Variants in RHBDF1 observed in about 807,000 individuals in gnomAD.
RHBDF1 encodes the protein rhomboid 5 homolog 1.
Under a neutral mutation model 98.6 loss-of-function variants are expected in RHBDF1, and 80 were observed. That is an observed-to-expected ratio of 0.81 (90% confidence interval 0.68 to 0.98). The LOEUF is 0.98. RHBDF1 is among the 50% of genes least tolerant of loss of function. The pLI is 0.00. For missense variants in RHBDF1, 1,116 were observed against 1,198.3 expected, an observed-to-expected ratio of 0.93 and a Z score of 1.01; for synonymous variants, 512 against 486.8, an observed-to-expected ratio of 1.05 and a Z score of -0.68.
At chr16:61,562 C>T (rs1486083877) in intron 9 of RHBDF1, 23 bp downstream of exon 9, 1 of 1,612,340 alleles carries the variant, frequency 6.2e-7, no homozygotes, top group Non-Finnish European at 8.5e-7. Context: ...TCGTCTGGGC[C>T]CAGGGAAGGC....
At chr16:65,127 G>A (rs1280414556) in intron 1 of RHBDF1, 88 bp from the exon 2 acceptor site, 1 of 1,386,496 alleles carries the variant, frequency 7.2e-7, no homozygotes, top group Admixed American at 2.6e-5. Context: ...GAGAAGCAGT[G>A]ATGAGCCCAA....
chr16:60,427 G>A lies in RHBDF1; in HGVS notation c.1658+12C>T, dbSNP rs375317029. 3.2e-5 allele frequency: 51 copies of A among 1,609,874 alleles called. No homozygotes were observed. The highest frequency in any genetic ancestry group is 2.3e-4 in the South Asian group (21 of 91,016). ...GACAAAGGCAGGTGAGAGAGCTGCC[G>A]GCAGGACTAACCTGGGATCCTGGTG... On this transcript the variant is annotated intron_variant, in intron 12 of 17. Transcript: ENST00000262316.
At chr16:63,444 G>C in intron 4 of RHBDF1, 143 bp downstream of exon 4, 2 of 730,226 alleles carry the variant, frequency 2.7e-6, no homozygotes, top group Non-Finnish European at 4.4e-6. Flanking sequence ...TGTTTCAGGT[G>C]CCTTCACGAG....
intron 1 of RHBDF1, among the ~76,000 whole-genome samples, chr16:66,325 C>T (rs1260566650): frequency 6.6e-6 from 1 of 152,186 alleles, no homozygotes; most frequent in Non-Finnish European, 1.5e-5. Flanking sequence ...TGGAGGAAAG[C>T]CCCACCTATG....
chr16:64,572 G>T (rs1171947089), intron 3 of RHBDF1, 127 bp downstream of exon 3: 3 of 1,542,572 alleles, frequency 1.9e-6, no homozygotes, highest in Non-Finnish European at 2.6e-6. Context: ...GGGGATGGTG[G>T]GGACCGAGAT....
In RHBDF1 at chr16:64,716, G is replaced by A. The variant is rs772422942; in HGVS notation, c.231C>T (p.Ile77=). 50 of 1,613,024 alleles carry A rather than the reference G, an allele frequency of 3.1e-5. No homozygotes were observed. The highest frequency in any genetic ancestry group is 4.1e-5 in the Non-Finnish European group (48 of 1,179,380). Residue 77 remains isoleucine (I), a synonymous_variant, in exon 3 of 18, where the codon ATC becomes ATT. Coordinates refer to ENST00000262316, the MANE Select transcript of RHBDF1 (RefSeq NM_022450.5). ...RRPVLQRQTS[I]TQTIRRGTAD... ...GTTGGTACCTGCGGATGGTCTGTGTGATGGACGTCTGGCGTTGCAGCACCG... is the reference window on the plus strand; with the variant it reads ...GTTGGTACCTGCGGATGGTCTGTGTAATGGACGTCTGGCGTTGCAGCACCG...
chr16:60,205 C>T lies in RHBDF1; in HGVS notation c.1722+11G>A. ...GGAGGGCTCCCTAACAACCCCCCCA[C>T]TGCAGCTCACCGGCCACTTGGTGAT... On this transcript the variant is annotated intron_variant, in intron 13 of 17. Transcript: ENST00000262316. 1 of 1,614,084 alleles carries T rather than the reference C, an allele frequency of 6.2e-7. No homozygotes were observed.
intron 13 of RHBDF1, 25 bp from the exon 14 acceptor site, chr16:59,851 G>A (rs1897541969): frequency 1.2e-6 from 2 of 1,613,978 alleles, no homozygotes; most frequent in Non-Finnish European, 1.7e-6. Flanking sequence ...AGGACGAGCT[G>A]AGTCAGGGCC....
chr16:69,687 A>T (rs911199255), intron 1 of RHBDF1, among the ~76,000 whole-genome samples: 1 of 152,170 alleles, frequency 6.6e-6, no homozygotes, highest in African/African-American at 2.4e-5. Flanking sequence ...TAATGGCATC[A>T]TGCTGAGAAT....
At chr16:60,314 G>C in intron 12 of RHBDF1, 35 bp from the exon 13 acceptor site, 1 of 1,613,044 alleles carries the variant, frequency 6.2e-7, no homozygotes, top group Admixed American at 1.7e-5. Flanking sequence ...GACCGGCTTC[G>C]AGCCCCTAGC....
At chr16:59,190 C>T in intron 16 of RHBDF1, 59 bp downstream of exon 16, 5 of 1,594,668 alleles carry the variant, frequency 3.1e-6, no homozygotes, top group Non-Finnish European at 4.3e-6. Flanking sequence ...TTCTGCCACC[C>T]CCAGCCAGCC....
rs1013981649 is a variant in RHBDF1, at chr16:59,937, G to A, written c.1723-111C>T. 3.9e-6 allele frequency: 6 copies of A among 1,545,220 alleles called. No individual in the cohort carries two copies. The African/African-American group carries it at 8.2e-5, about 21-fold the overall frequency. ...GTGGGCTCATAAAGCAGAAAACGGT[G>A]TGGCTTCCTTGACTTCAAGCAGGCC... On this transcript the variant is annotated intron_variant, in intron 13 of 17. Coordinates refer to ENST00000262316, the MANE Select transcript of RHBDF1 (RefSeq NM_022450.5).
intron 8 of RHBDF1, 40 bp from the exon 9 acceptor site, chr16:61,736 C>T (rs749030496): frequency 1.1e-5 from 17 of 1,612,058 alleles, no homozygotes; most frequent in Non-Finnish European, 1.4e-5. Context: ...ATCCCCGACC[C>T]GGAGCCCCCA....
At chr16:72,122 G>T (rs550746683) in intron 1 of RHBDF1, among the ~76,000 whole-genome samples, 2 of 152,244 alleles carry the variant, frequency 1.3e-5, no homozygotes, top group Non-Finnish European at 2.9e-5. Context: ...GCAGCGGGGG[G>T]AGTTCAGAGG....
In RHBDF1 at chr16:63,761, G is replaced by A. The variant is rs1224841492; in HGVS notation, c.288C>T (p.Asp96=). ...TCTTGCGCTGCCATTTCTGGGTGCT[G>A]TCACTGTCCTTGCTCACTCCAAACC... ...ADWFGVSKDS[D]STQKWQRKSI... The change falls in exon 4 of 18, where the codon GAC becomes GAT. Residue 96 remains aspartate (D), a synonymous_variant. Transcript: ENST00000262316. 2.5e-6 allele frequency: 4 copies of A among 1,613,886 alleles called. No individual in the cohort carries two copies. The highest frequency in any genetic ancestry group is 1.3e-5 in the African/African-American group (1 of 74,942).
At position 64,379 on chromosome 16, in the gene RHBDF1, G is replaced by A. The variant is rs552457040; in HGVS notation, c.248+320C>T. 1.7e-5 allele frequency: 24 copies of A among 1,384,564 alleles called. No homozygotes were observed. In the East Asian group the frequency reaches 2.8e-4, roughly 16 times the overall value. 85.8% of individuals were successfully genotyped at this position (1,384,564 alleles called of 1,614,324 possible). A position where few individuals can be genotyped will look rare whatever the true frequency, so the allele number is the denominator to read the frequency against. ...GACTGGCGCTGTGGGAAGGCCCTGC[G>A]GGCAGCCCGGGGACCCAAGAGGGGC... On this transcript the variant is annotated intron_variant, in intron 3 of 17. Coordinates refer to ENST00000262316, the MANE Select transcript of RHBDF1 (RefSeq NM_022450.5).
rs1226959386 is a variant in RHBDF1, at chr16:72,533, G to C, written c.-45C>G. On this transcript the variant is annotated 5_prime_UTR_variant, in exon 1 of 18. Coordinates refer to ENST00000262316, the MANE Select transcript of RHBDF1 (RefSeq NM_022450.5). ...CTCACTGCCGCCGCCGGGGGCTCTG[G>C]GGGGTCCTGAGGGCGCCGGGGAGGA... 5 of 956,910 alleles carry C rather than the reference G, an allele frequency of 5.2e-6. No individual in the cohort carries two copies. The African/African-American group carries it at 1.0e-4, about 20-fold the overall frequency. The allele number at this position is 956,910 out of a possible 1,614,324, so 59.3% of individuals were successfully genotyped here.
intron 1 of RHBDF1, among the ~76,000 whole-genome samples, chr16:67,520 G>A (rs1897860130): frequency 6.6e-6 from 1 of 152,160 alleles, no homozygotes; most frequent in South Asian, 2.1e-4. Flanking sequence ...TGACTTCCCT[G>A]GCTCCTGCTC....
chr16:69,021 G>A (rs216609), intron 1 of RHBDF1, among the ~76,000 whole-genome samples: 13,362 of 152,248 alleles, frequency 0.088, 1,249 homozygotes, highest in African/African-American at 0.22. Flanking sequence ...GCCTGGCACA[G>A]TAGCAGCGGC....
Sources: allele counts gnomAD v4.1 joint callset (sites outside exome capture counted in the v4.1 genomes callset), GRCh38; gene constraint gnomAD v4.1.1; transcripts MANE v1.5; gene names NCBI Gene and HGNC (gene_info 2026-07-23, HGNC 2026-07-21).